The following HSP90AA1 variants were observed in gnomAD, a reference collection of about 807,000 sequenced individuals.
HSP90AA1 encodes the protein heat shock protein 90 alpha family class A member 1, also known as heat shock protein HSP 90-alpha.
In HSP90AA1, 18 loss-of-function variants were observed where a neutral mutation model predicts 73.3. The observed-to-expected ratio is 0.25, with a 90% CI of 0.17 to 0.36. The LOEUF (loss-of-function observed/expected upper bound fraction) is 0.36. Ranked by LOEUF, HSP90AA1 falls within the 10% of genes least tolerant of loss-of-function variation. The probability of loss-of-function intolerance (pLI) is 1.00; values close to 1 mark genes in which losing one functional copy is unlikely to be tolerated. For synonymous variants in HSP90AA1, 477 were observed against 296.9 expected (o/e 1.61, Z -6.24); for missense variants, 704 against 874.2 (o/e 0.81, Z 2.45).
intron 1 of HSP90AA1, among the ~76,000 whole-genome samples, chr14:102,137,690 A>G (rs1429576691): frequency 6.6e-6 from 1 of 152,134 alleles, no homozygotes; most frequent in Non-Finnish European, 1.5e-5. Context: ...AAAAGTTATG[A>G]GATAAAAAGA....
At chr14:102,087,951 CT>C (rs71116878), upstream of HSP90AA1, among the ~76,000 whole-genome samples, 4 of 92,998 alleles carry the variant, frequency 4.3e-5, no homozygotes, top group Admixed American at 1.6e-4. Flanking sequence ...TTTTTTTTTT[CT>C]TTTTTTTTTT....
chr14:102,124,343 C>T (rs964214031), intron 1 of HSP90AA1, among the ~76,000 whole-genome samples: 2 of 151,764 alleles, frequency 1.3e-5, no homozygotes, highest in Non-Finnish European at 2.9e-5. Context: ...AGGTGCTCGC[C>T]ACCATGCCCA....
Position 102,087,015 on chromosome 14 carries a change from G to A in HSP90AA1, c.-30C>T, listed in dbSNP as rs1331941633. The A allele has an allele frequency of 4.6e-5, 45 of 985,256 alleles. 1 individual carries two copies. The highest frequency in any genetic ancestry group is 1.0e-3 in the Middle Eastern group (2 of 1,934). 61.0% of individuals were successfully genotyped at this position (985,256 alleles called of 1,614,324 possible). ...GCTAAGTGACCGCACAGGACCAACGGCACAGCCACACCGGGACGCTGAAGC... is the reference window on the plus strand; with the variant it reads ...GCTAAGTGACCGCACAGGACCAACGACACAGCCACACCGGGACGCTGAAGC... On this transcript the variant is annotated 5_prime_UTR_variant, in exon 1 of 11. Coordinates refer to ENST00000216281, the MANE Select transcript of HSP90AA1 (RefSeq NM_005348.4).
At chr14:102,089,436 C>T (rs1422236830), upstream of HSP90AA1, among the ~76,000 whole-genome samples, 7 of 152,180 alleles carry the variant, frequency 4.6e-5, no homozygotes, top group African/African-American at 1.2e-4. Flanking sequence ...GTCCTGTCTC[C>T]AGGTGACATT....
At chr14:102,130,129 C>G (rs1231345421) in intron 1 of HSP90AA1, among the ~76,000 whole-genome samples, 2 of 152,040 alleles carry the variant, frequency 1.3e-5, no homozygotes, top group Non-Finnish European at 2.9e-5. Context: ...CACCACCACA[C>G]CTGGCTAATT....
At chr14:102,088,480 C>T (rs2049302179), upstream of HSP90AA1, among the ~76,000 whole-genome samples, 1 of 152,210 alleles carries the variant, frequency 6.6e-6, no homozygotes, top group Non-Finnish European at 1.5e-5. Context: ...CCTGGGACCC[C>T]CTTAAGAGCG....
upstream of HSP90AA1, among the ~76,000 whole-genome samples, chr14:102,087,600 C>T (rs999018907): frequency 2.0e-5 from 3 of 152,176 alleles, no homozygotes; most frequent in African/African-American, 4.8e-5. Context: ...AAGAATCCAG[C>T]CGCAAGCGGC....
chr14:102,118,154 C>A (rs1393065709), intron 1 of HSP90AA1, among the ~76,000 whole-genome samples: 1 of 152,206 alleles, frequency 6.6e-6, no homozygotes, highest in Non-Finnish European at 1.5e-5. Flanking sequence ...CCAAGCACAG[C>A]CTGCCAGGCT....
exon 1 of HSP90AA1, chr14:102,139,666 T>A (rs563998051): frequency 6.1e-6 from 4 of 651,860 alleles, no homozygotes; most frequent in African/African-American, 3.7e-5. Flanking sequence ...GAAGCAGCCA[T>A]GCCGCCCGGA....
intron 1 of HSP90AA1, among the ~76,000 whole-genome samples, chr14:102,108,028 G>A (rs764827685): frequency 4.0e-5 from 6 of 150,870 alleles, no homozygotes; most frequent in Non-Finnish European, 7.4e-5. Flanking sequence ...ACTTTGGGAC[G>A]CCAAAACACG....
At chr14:102,100,354 TG>T (rs1384990859) in intron 2 of HSP90AA1, among the ~76,000 whole-genome samples, 1 of 151,984 alleles carries the variant, frequency 6.6e-6, no homozygotes, top group African/African-American at 2.4e-5. Flanking sequence ...CAGCTATTAT[TG>T]GGCCACTGCA....
chr14:102,081,336 C>T lies in HSP90AA1; in HGVS notation c.*376G>A, dbSNP rs942451252. ...AAAAAGTAGATCCTACAAGATGTAA[C>T]GAATACTTTTCTAAACATCAAGATA... On this transcript the variant is annotated 3_prime_UTR_variant, in exon 11 of 11. Transcript: ENST00000216281. 4 of 332,140 alleles carry T rather than the reference C, an allele frequency of 1.2e-5. No homozygotes were observed. Among genetic ancestry groups the T allele is most frequent in the African/African-American group, 2.1e-5 (1 of 47,902 alleles). 20.6% of individuals were successfully genotyped at this position (332,140 alleles called of 1,614,324 possible).
chr14:102,099,475 T>C (rs2049466149), intron 2 of HSP90AA1, among the ~76,000 whole-genome samples: 1 of 152,154 alleles, frequency 6.6e-6, no homozygotes, highest in African/African-American at 2.4e-5. Context: ...GGAGAATCAC[T>C]TGGATCTGGG....
At chr14:102,139,135 AC>A (rs1468493109) in intron 1 of HSP90AA1, 4 of 1,285,354 alleles carry the variant, frequency 3.1e-6, no homozygotes, top group Non-Finnish European at 2.2e-6. Context: ...TGCTCATCAC[AC>A]GCAGGAATTA....
chr14:102,138,354 A>T (rs987778440), intron 1 of HSP90AA1, among the ~76,000 whole-genome samples: 1 of 152,228 alleles, frequency 6.6e-6, no homozygotes, highest in Non-Finnish European at 1.5e-5. Flanking sequence ...AAAATAACAC[A>T]GTTATGGAGT....
intron 1 of HSP90AA1, among the ~76,000 whole-genome samples, chr14:102,136,562 C>T (rs1433878409): frequency 2.5e-5 from 3 of 118,454 alleles, no homozygotes; most frequent in Admixed American, 9.6e-5. Flanking sequence ...GAGTGAGACT[C>T]GTCTCAAAAA....
At chr14:102,110,756 A>AT (rs1181808767) in intron 1 of HSP90AA1, among the ~76,000 whole-genome samples, 1 of 151,456 alleles carries the variant, frequency 6.6e-6, no homozygotes, top group East Asian at 1.9e-4. Flanking sequence ...ATTTTTTTCT[A>AT]TTTTTTAGTA....
At chr14:102,139,463 C>T (rs1304309646) in exon 1 of HSP90AA1, 3 of 1,468,616 alleles carry the variant, frequency 2.0e-6, no homozygotes, top group Non-Finnish European at 2.7e-6. Context: ...GTCGGGGTGG[C>T]GCTCTTCCTC....
At chr14:102,093,501 A>T (rs2049385803) in intron 2 of HSP90AA1, among the ~76,000 whole-genome samples, 1 of 149,482 alleles carries the variant, frequency 6.7e-6, no homozygotes, top group African/African-American at 2.5e-5. Flanking sequence ...AAAAAAAAAA[A>T]ATTCTGTCAT....
Sources: allele counts gnomAD v4.1 joint callset (sites outside exome capture counted in the v4.1 genomes callset), GRCh38; gene constraint gnomAD v4.1.1; transcripts MANE v1.5; gene names NCBI Gene and HGNC (gene_info 2026-07-23, HGNC 2026-07-21).